Variants in PLCH1 observed in about 807,000 individuals in gnomAD.
PLCH1 encodes phospholipase C eta 1.
A neutral mutation model predicts 126.7 loss-of-function variants in PLCH1; 60 were observed. The observed-to-expected ratio is 0.47, with a 90% CI of 0.38 to 0.59. The LOEUF (loss-of-function observed/expected upper bound fraction) is 0.59, where lower values mean the gene tolerates loss of function less well. Ranked by LOEUF, PLCH1 falls within the 20% of genes least tolerant of loss-of-function variation. PLCH1 has a pLI of 0.00. For synonymous variants in PLCH1, 719 were observed against 734.9 expected, an observed-to-expected ratio of 0.98 and a Z score of 0.35; for missense variants, 1,723 against 2,040.0, an observed-to-expected ratio of 0.84 and a Z score of 2.99.
At chr3:155,707,353 C>CCAT (rs1368733403) in intron 1 of PLCH1, among the ~76,000 whole-genome samples, 1 of 152,142 alleles carries the variant, frequency 6.6e-6, no homozygotes, top group African/African-American at 2.4e-5. Context: ...AAGAAATAAG[C>CCAT]CATCCCTCTG....
intron 2 of PLCH1, among the ~76,000 whole-genome samples, chr3:155,626,491 T>G (rs1347731434): frequency 6.6e-6 from 1 of 152,254 alleles, no homozygotes; most frequent in East Asian, 1.9e-4. Context: ...GGTAAGTGGC[T>G]GGGCGCTGTG....
intron 9 of PLCH1, among the ~76,000 whole-genome samples, chr3:155,553,837 C>T (rs959155884): frequency 2.0e-5 from 3 of 152,122 alleles, no homozygotes; most frequent in Non-Finnish European, 4.4e-5. Context: ...GCAAGAATGT[C>T]TTTAAGGAGG....
chr3:155,493,687 A>G (rs1395409835), intron 17 of PLCH1, among the ~76,000 whole-genome samples: 1 of 152,200 alleles, frequency 6.6e-6, no homozygotes, highest in Admixed American at 6.5e-5. Flanking sequence ...TGCCCAGCCT[A>G]TCCTTTCTCT....
intron 10 of PLCH1, among the ~76,000 whole-genome samples, chr3:155,543,440 T>C (rs1724701467): frequency 6.6e-6 from 1 of 152,088 alleles, no homozygotes; most frequent in Non-Finnish European, 1.5e-5. Context: ...ACGGGGAGAA[T>C]GGAACCAAGT....
intron 2 of PLCH1, among the ~76,000 whole-genome samples, chr3:155,649,787 G>A (rs1410337958): frequency 6.6e-6 from 1 of 152,136 alleles, no homozygotes; most frequent in Non-Finnish European, 1.5e-5. Flanking sequence ...GACCTTCCTG[G>A]TTAACACTGT....
chr3:155,542,182 C>G (rs1424556455), intron 10 of PLCH1, among the ~76,000 whole-genome samples: 1 of 152,162 alleles, frequency 6.6e-6, no homozygotes, highest in Non-Finnish European at 1.5e-5. Flanking sequence ...ACTCCCACCC[C>G]AATACTGCGC....
intron 2 of PLCH1, among the ~76,000 whole-genome samples, chr3:155,623,457 A>G (rs1736790966): frequency 6.6e-6 from 1 of 152,164 alleles, no homozygotes; most frequent in Non-Finnish European, 1.5e-5. Flanking sequence ...AAAAAAACCA[A>G]TGAATCCAGG....
At chr3:155,623,090 G>GAC (rs1314731360) in intron 2 of PLCH1, among the ~76,000 whole-genome samples, 3 of 152,118 alleles carry the variant, frequency 2.0e-5, no homozygotes, top group Non-Finnish European at 2.9e-5. Context: ...AATCAAATTA[G>GAC]AACTCAGGAT....
rs748307014 is a variant in PLCH1, at chr3:155,485,629, G to T, written c.2701C>A (p.Arg901=). 1.2e-6 allele frequency: 2 copies of T among 1,612,112 alleles called. No homozygotes were observed. Among genetic ancestry groups the T allele is most frequent in the East Asian group, 4.5e-5 (2 of 44,870 alleles). The change falls in exon 22 of 23, where the codon CGG becomes AGG. Residue 901 remains arginine, a synonymous_variant. Transcript: ENST00000460012. ...SSSENNSHYV[R]KRSIGDRILR... ...ATTCTATCTCCAATGGATCGCTTCCGTACATAATGGGAATTGTTTTCTGAA... is the reference window on the plus strand; with the variant it reads ...ATTCTATCTCCAATGGATCGCTTCCTTACATAATGGGAATTGTTTTCTGAA...
At chr3:155,542,661 A>C (rs1212884612) in intron 10 of PLCH1, among the ~76,000 whole-genome samples, 1 of 152,186 alleles carries the variant, frequency 6.6e-6, no homozygotes, top group Non-Finnish European at 1.5e-5. Context: ...CTGACACCTC[A>C]CACAGCCGGG....
At chr3:155,512,798 T>C (rs1302502844) in intron 12 of PLCH1, among the ~76,000 whole-genome samples, 4 of 152,214 alleles carry the variant, frequency 2.6e-5, no homozygotes, top group East Asian at 1.9e-4. Context: ...CCTGAGATGG[T>C]TGAAGACAGG....
chr3:155,651,977 T>C (rs1740756680), intron 2 of PLCH1, among the ~76,000 whole-genome samples: 1 of 152,262 alleles, frequency 6.6e-6, no homozygotes, highest in Non-Finnish European at 1.5e-5. Flanking sequence ...ATGTAAGTTC[T>C]GCCTCAGAGT....
chr3:155,687,780 G>A (rs1745070587), intron 2 of PLCH1, among the ~76,000 whole-genome samples: 1 of 152,106 alleles, frequency 6.6e-6, no homozygotes. Flanking sequence ...AATTCCCAAG[G>A]ATCGGAACAC....
Position 155,568,303 on chromosome 3 carries a change from A to T in PLCH1, c.793T>A (p.Tyr265Asn). ...EQKMNNVTTD[Y>N]CLDIIKKFEV... is the part of the protein sequence containing the mutation. ...AACTTCTTTATGATGTCAAGACAAT[A>T]GTCCGTTGTCACATTATTCATCTAA... The change falls in exon 7 of 23, where the codon TAT (tyrosine) becomes AAT (asparagine). Residue 265 changes from tyrosine to asparagine, a missense_variant. Coordinates refer to ENST00000460012, the MANE Select transcript of PLCH1 (RefSeq NM_014996.4). The T allele has an allele frequency of 6.6e-7, 1 of 1,524,920 alleles. No homozygotes were observed. The highest frequency in any genetic ancestry group is 9.1e-7 in the Non-Finnish European group (1 of 1,101,850). The allele number at this position is 1,524,920 out of a possible 1,614,324, so 94.5% of individuals were successfully genotyped here. A position where few individuals can be genotyped will look rare whatever the true frequency, so the allele number is the denominator to read the frequency against.
intron 2 of PLCH1, among the ~76,000 whole-genome samples, chr3:155,609,867 G>GAATTTTAAAAAA (rs1206908657): frequency 6.6e-6 from 1 of 151,868 alleles, no homozygotes; most frequent in Non-Finnish European, 1.5e-5. Flanking sequence ...TTTTAAAAAA[G>GAATTTTAAAAAA]AACAAAGCTT....
chr3:155,464,918 G>GGCTAACACAGTGAAGACTGT (rs1349660219), intron 21 of PLCH1, among the ~76,000 whole-genome samples: 1 of 152,100 alleles, frequency 6.6e-6, no homozygotes, highest in Non-Finnish European at 1.5e-5. Flanking sequence ...AGACCATACT[G>GGCTAACACAGTGAAGACTGT]GCTAACACAG....
At chr3:155,611,184 G>A (rs1314409196) in intron 2 of PLCH1, among the ~76,000 whole-genome samples, 1 of 152,172 alleles carries the variant, frequency 6.6e-6, no homozygotes, top group Admixed American at 6.6e-5. Context: ...GAGGTCAGGA[G>A]TTCAAGACTA....
intron 12 of PLCH1, among the ~76,000 whole-genome samples, chr3:155,509,267 A>T (rs1719132106): frequency 8.3e-6 from 1 of 120,322 alleles, no homozygotes; most frequent in Non-Finnish European, 1.6e-5. Context: ...TAGTCTTGCT[A>T]GCGGTCTATC....
chr3:155,730,136 G>T (rs1030767910), intron 1 of PLCH1, among the ~76,000 whole-genome samples: 27 of 152,006 alleles, frequency 1.8e-4, no homozygotes, highest in African/African-American at 6.0e-4. Flanking sequence ...TCAATAAAGA[G>T]CCTCTACTAT....
Sources: allele counts gnomAD v4.1 joint callset (sites outside exome capture counted in the v4.1 genomes callset), GRCh38; gene constraint gnomAD v4.1.1; transcripts MANE v1.5; gene names NCBI Gene and HGNC (gene_info 2026-07-23, HGNC 2026-07-21).